Variants in TMEFF2 observed in about 807,000 individuals in gnomAD.
TMEFF2 encodes tomoregulin-2.
In TMEFF2, 28 loss-of-function variants were observed where a neutral mutation model predicts 53.8. That is an observed-to-expected ratio of 0.52 (90% CI 0.39 to 0.71). The LOEUF (loss-of-function observed/expected upper bound fraction) is 0.71. TMEFF2 is among the 30% of genes least tolerant of loss of function. TMEFF2 has a pLI of 0.00. For missense variants in TMEFF2, 353 were observed against 455.2 expected, an observed-to-expected ratio of 0.78 and a Z score of 2.04; for synonymous variants, 162 against 166.3, an observed-to-expected ratio of 0.97 and a Z score of 0.20.
At chr2:191,975,049 T>C (rs1249524201) in intron 7 of TMEFF2, among the ~76,000 whole-genome samples, 1 of 151,902 alleles carries the variant, frequency 6.6e-6, no homozygotes, top group Non-Finnish European at 1.5e-5. Flanking sequence ...TAAATAATGT[T>C]ACAACAAAAT....
chr2:192,001,705 A>T (rs1467482438), intron 5 of TMEFF2, among the ~76,000 whole-genome samples: 1 of 152,170 alleles, frequency 6.6e-6, no homozygotes, highest in Non-Finnish European at 1.5e-5. Context: ...TGATGGTTTT[A>T]TAAAGGGAAG....
chr2:192,194,249 G>A lies in TMEFF2; in HGVS notation c.172+104C>T, dbSNP rs889153318. The A allele has an allele frequency of 7.4e-7, 1 of 1,355,610 alleles. No individual in the cohort carries two copies. Among genetic ancestry groups the A allele is most frequent in the South Asian group, 1.3e-5 (1 of 76,174 alleles). 84.0% of individuals were successfully genotyped at this position (1,355,610 alleles called of 1,614,324 possible). A position where few individuals can be genotyped will look rare whatever the true frequency, so the allele number is the denominator to read the frequency against. On this transcript the variant is annotated intron_variant, in intron 1 of 9. Transcript: ENST00000272771. The surrounding 1 kb of genome is among the most constrained non-coding windows in gnomAD (Gnocchi z 4.2). Reference sequence around the variant, plus strand: ...GTGGTATTAGGGGTCTAGGGCAGTAGGAGGTGAGGGGCTGAGGAGGCGCGC... The same window carrying A: ...GTGGTATTAGGGGTCTAGGGCAGTAAGAGGTGAGGGGCTGAGGAGGCGCGC...
At chr2:192,014,029 A>C (rs958037519) in intron 5 of TMEFF2, among the ~76,000 whole-genome samples, 1 of 152,240 alleles carries the variant, frequency 6.6e-6, no homozygotes, top group Admixed American at 6.5e-5. Flanking sequence ...CAATTATCAA[A>C]AAGTATTAGT....
At chr2:192,093,111 C>A (rs1357030009) in intron 4 of TMEFF2, among the ~76,000 whole-genome samples, 1 of 152,150 alleles carries the variant, frequency 6.6e-6, no homozygotes, top group East Asian at 1.9e-4. Context: ...TCTCTGCTGT[C>A]TGTTGAGCTG....
At chr2:192,094,815 T>C (rs941926705) in intron 4 of TMEFF2, among the ~76,000 whole-genome samples, 4 of 152,184 alleles carry the variant, frequency 2.6e-5, no homozygotes, top group Non-Finnish European at 5.9e-5. Flanking sequence ...TTAAGAATTA[T>C]TACACTTTCT....
chr2:192,088,593 T>G (rs1688718501), intron 4 of TMEFF2, among the ~76,000 whole-genome samples: 1 of 152,122 alleles, frequency 6.6e-6, no homozygotes, highest in African/African-American at 2.4e-5. Context: ...TAGTGCAAAA[T>G]TGAATCAATT....
At chr2:192,118,560 A>G (rs1689472656) in intron 4 of TMEFF2, among the ~76,000 whole-genome samples, 1 of 152,190 alleles carries the variant, frequency 6.6e-6, no homozygotes, top group Non-Finnish European at 1.5e-5. Context: ...GTAAACAGTG[A>G]AGAGATACTT....
intron 4 of TMEFF2, 128 bp downstream of exon 4, chr2:192,179,540 G>T (rs1418579543): frequency 2.0e-6 from 2 of 993,228 alleles, no homozygotes; most frequent in South Asian, 3.9e-5. Context: ...AATTTTTTAT[G>T]GTTTCACCTT....
chr2:192,019,138 ATAT>A (rs1173020250), intron 5 of TMEFF2, among the ~76,000 whole-genome samples: 1 of 152,094 alleles, frequency 6.6e-6, no homozygotes, highest in African/African-American at 2.4e-5. Context: ...CTATCGCAAT[ATAT>A]TATGTTGAAT....
rs1204428693 is a variant in TMEFF2 at position 192,193,745 on chromosome 2, GAGAGAGATAGAT to G, written c.172+596_172+607del. Among the ~76,000 whole-genome samples, 20 of 32,964 alleles carry G rather than the reference GAGAGAGATAGAT, an allele frequency of 6.1e-4. 1 individual carries two copies. Among genetic ancestry groups the G allele is most frequent in the African/African-American group, 1.3e-3 (12 of 9,502 alleles). 21.6% of individuals were successfully genotyped at this position (32,964 alleles called of 152,430 possible). On this transcript the variant is annotated intron_variant, in intron 1 of 9. Coordinates refer to ENST00000272771, the MANE Select transcript of TMEFF2 (RefSeq NM_016192.4). Reference sequence around the variant, plus strand: ...CTAGGAGAGAAGGGAATGAGAGAGAGAGAGAGATAGATAGATAGAGAGAGAGAGAGAGAGAGA... The same window carrying G: ...CTAGGAGAGAAGGGAATGAGAGAGAGAGATAGAGAGAGAGAGAGAGAGAGA...
intron 4 of TMEFF2, among the ~76,000 whole-genome samples, chr2:192,062,242 A>G (rs1387853425): frequency 6.6e-6 from 1 of 152,160 alleles, no homozygotes; most frequent in Non-Finnish European, 1.5e-5. Context: ...CATCAGTGGA[A>G]TAATTCAATA....
chr2:192,157,065 A>T (rs1451296256), intron 4 of TMEFF2, among the ~76,000 whole-genome samples: 1 of 152,054 alleles, frequency 6.6e-6, no homozygotes, highest in Admixed American at 6.6e-5. Context: ...CTTCCCTGGC[A>T]ACCTCCAGAA....
At chr2:192,086,785 A>G (rs987842004) in intron 4 of TMEFF2, among the ~76,000 whole-genome samples, 1 of 152,074 alleles carries the variant, frequency 6.6e-6, no homozygotes, top group Non-Finnish European at 1.5e-5. Context: ...CAACCTCTCA[A>G]GACACTTGCT....
intron 3 of TMEFF2, among the ~76,000 whole-genome samples, chr2:192,182,952 C>T (rs1691221441): frequency 6.6e-6 from 1 of 151,966 alleles, no homozygotes; most frequent in Non-Finnish European, 1.5e-5. Flanking sequence ...TGGTCCTCCT[C>T]CTTTCCTATT....
intron 4 of TMEFF2, among the ~76,000 whole-genome samples, chr2:192,150,931 G>C (rs1460089932): frequency 2.0e-5 from 3 of 151,654 alleles, no homozygotes; most frequent in Non-Finnish European, 4.4e-5. Flanking sequence ...GATATGGTTT[G>C]GTTCTGTGTC....
At chr2:191,969,481 C>T (rs1221818820) in intron 7 of TMEFF2, among the ~76,000 whole-genome samples, 13 of 152,060 alleles carry the variant, frequency 8.5e-5, no homozygotes, top group Non-Finnish European at 1.5e-4. Context: ...AGGTAAGAGC[C>T]ATATTTCCTA....
chr2:192,096,967 G>C (rs1452111465), intron 4 of TMEFF2, among the ~76,000 whole-genome samples: 1 of 151,818 alleles, frequency 6.6e-6, no homozygotes, highest in African/African-American at 2.4e-5. Context: ...TGAGCCACCA[G>C]GCCCGGCCCA....
chr2:192,193,227 A>G (rs1331256078), intron 1 of TMEFF2, among the ~76,000 whole-genome samples: 1 of 152,212 alleles, frequency 6.6e-6, no homozygotes, highest in Non-Finnish European at 1.5e-5. Flanking sequence ...AGAAGATGAA[A>G]AATTACATAC....
Position 192,184,160 on chromosome 2 carries a change from C to T in TMEFF2, c.412+194G>A, listed in dbSNP as rs951742096. ...TACCAGTGTCCTTATGGTAGATATC[C>T]TCTTTCTTCCAAAAGTGATTTGAAA... On this transcript the variant is annotated intron_variant, in intron 3 of 9. Transcript: ENST00000272771. Among the ~76,000 whole-genome samples, 4 of 152,174 alleles carry T rather than the reference C, an allele frequency of 2.6e-5. No homozygotes were observed. In the South Asian group the frequency reaches 6.2e-4, roughly 24 times the overall value.
Sources: gnomAD v4.1 joint callset for allele counts (sites outside exome capture counted in the v4.1 genomes callset) on GRCh38, gnomAD v4.1.1 for gene constraint, Gnocchi (gnomAD v3.1) non-coding constraint, MANE v1.5 for transcripts, NCBI Gene and HGNC (gene_info 2026-07-23, HGNC 2026-07-21) for gene names.